The following KATNA1 variants were observed in gnomAD, a reference collection of about 807,000 sequenced individuals.
The protein encoded by KATNA1 is katanin p60 ATPase-containing subunit A1.
Under a neutral mutation model 62.6 loss-of-function variants are expected in KATNA1, and 42 were observed. The observed-to-expected ratio is 0.67, with a 90% confidence interval of 0.52 to 0.87. The LOEUF (loss-of-function observed/expected upper bound fraction) is 0.87, where lower values mean the gene tolerates loss of function less well. KATNA1 is among the 40% of genes least tolerant of loss of function. The pLI is 0.00. For synonymous variants in KATNA1, 186 were observed against 201.9 expected, an observed-to-expected ratio of 0.92 and a Z score of 0.67; for missense variants, 498 against 612.5, an observed-to-expected ratio of 0.81 and a Z score of 1.97.
intron 4 of KATNA1, among the ~76,000 whole-genome samples, chr6:149,608,723 T>C (rs1347554896): frequency 6.6e-6 from 1 of 152,120 alleles, no homozygotes; most frequent in Non-Finnish European, 1.5e-5. Context: ...CCACAGTCAC[T>C]GGACATCATA....
In KATNA1 at chr6:149,645,161, A is replaced by T. The variant is rs73779536; in HGVS notation, c.-14+3308T>A. 8.3e-3 allele frequency among the ~76,000 whole-genome samples: 1,260 copies of T among 152,294 alleles called. 19 individuals are homozygous for T. The highest frequency in any genetic ancestry group is 0.029 in the African/African-American group (1,212 of 41,564). On this transcript the variant is annotated intron_variant, in intron 1 of 10. Coordinates refer to ENST00000367411, the MANE Select transcript of KATNA1 (RefSeq NM_007044.4). ...AGAATTGAATCCATTTGAAATAAAA[A>T]GCTGGCCGCGCGCAGTGGCTCACGC...
intron 8 of KATNA1, chr6:149,597,911 G>A (rs760608158): frequency 2.6e-5 from 12 of 469,218 alleles, no homozygotes; most frequent in East Asian, 1.4e-4. Context: ...TTTTCAAAGC[G>A]TACATAAACT....
intron 4 of KATNA1, among the ~76,000 whole-genome samples, chr6:149,617,070 G>C (rs559634153): frequency 1.5e-3 from 230 of 152,318 alleles, no homozygotes; most frequent in African/African-American, 5.3e-3. Context: ...GGAAAATACT[G>C]TATGATTCCA....
intron 7 of KATNA1, among the ~76,000 whole-genome samples, chr6:149,598,753 C>G (rs150720681): frequency 7.1e-6 from 1 of 141,080 alleles, no homozygotes; most frequent in Non-Finnish European, 1.5e-5. Context: ...AAGAAAACAA[C>G]AAAACAGCTA....
intron 4 of KATNA1, among the ~76,000 whole-genome samples, chr6:149,622,012 G>C (rs966138784): frequency 1.3e-5 from 2 of 152,138 alleles, no homozygotes; most frequent in Non-Finnish European, 2.9e-5. Context: ...GGACAGAAGG[G>C]GGGAAATCTC....
Position 149,599,496 on chromosome 6 carries a change from C to G in KATNA1, c.889-1146G>C, listed in dbSNP as rs1778452022. 2.0e-5 allele frequency among the ~76,000 whole-genome samples: 3 copies of G among 152,090 alleles called. No individual in the cohort carries two copies. The South Asian group carries it at 6.2e-4, about 32-fold the overall frequency. On this transcript the variant is annotated intron_variant, in intron 7 of 10. Transcript: ENST00000367411. ...GGTAGAGGACACCAATTGGTTCTCC[C>G]TGCACAGCACACTTCTGGTAAGAGA...
At chr6:149,614,666 C>A (rs527817257) in intron 4 of KATNA1, among the ~76,000 whole-genome samples, 46 of 152,210 alleles carry the variant, frequency 3.0e-4, no homozygotes, top group Admixed American at 2.5e-3. Context: ...CCCAGCTACT[C>A]AGGAAGCTAA....
chr6:149,618,643 C>A (rs1326579523), intron 4 of KATNA1, among the ~76,000 whole-genome samples: 1 of 152,020 alleles, frequency 6.6e-6, no homozygotes, highest in Non-Finnish European at 1.5e-5. Flanking sequence ...ACATACAGAC[C>A]AATGGAACAG....
chr6:149,602,751 C>T (rs1159966741), intron 6 of KATNA1, among the ~76,000 whole-genome samples: 2 of 143,646 alleles, frequency 1.4e-5, no homozygotes, highest in Admixed American at 7.1e-5. Context: ...GACAGAGTTT[C>T]GCTCTTGTTG....
At chr6:149,607,535 C>T (rs1778789737) in intron 4 of KATNA1, among the ~76,000 whole-genome samples, 1 of 152,064 alleles carries the variant, frequency 6.6e-6, no homozygotes, top group African/African-American at 2.4e-5. Flanking sequence ...TCGCTTGAAC[C>T]CAGGAGGCGG....
At chr6:149,624,682 A>G (rs1160233620) in intron 3 of KATNA1, among the ~76,000 whole-genome samples, 2 of 151,896 alleles carry the variant, frequency 1.3e-5, no homozygotes, top group Non-Finnish European at 2.9e-5. Context: ...GTTGGTCCTC[A>G]TTTCATCCTT....
intron 4 of KATNA1, among the ~76,000 whole-genome samples, chr6:149,614,091 T>C (rs1350690343): frequency 6.6e-6 from 1 of 152,210 alleles, no homozygotes; most frequent in Non-Finnish European, 1.5e-5. Flanking sequence ...CAGTCTGTGG[T>C]ATTCTGTGAT....
chr6:149,607,568 C>T (rs1009726791), intron 4 of KATNA1, among the ~76,000 whole-genome samples: 1 of 152,122 alleles, frequency 6.6e-6, no homozygotes, highest in African/African-American at 2.4e-5. Context: ...GCTGAGATTG[C>T]ACTACTGCAG....
intron 3 of KATNA1, among the ~76,000 whole-genome samples, chr6:149,630,120 C>T (rs986316761): frequency 1.3e-5 from 2 of 152,116 alleles, no homozygotes; most frequent in Non-Finnish European, 2.9e-5. Flanking sequence ...AGGAAACAAG[C>T]TAGGATGACT....
intron 4 of KATNA1, among the ~76,000 whole-genome samples, chr6:149,612,395 G>A (rs1778994594): frequency 6.6e-6 from 1 of 151,964 alleles, no homozygotes; most frequent in African/African-American, 2.4e-5. Context: ...TGTAACCCCA[G>A]CTACTCGTGA....
intron 3 of KATNA1, among the ~76,000 whole-genome samples, chr6:149,631,214 AT>A (rs1779820981): frequency 6.6e-6 from 1 of 152,146 alleles, no homozygotes; most frequent in African/African-American, 2.4e-5. Context: ...TCTGGCCAAC[AT>A]GTTGAAACCC....
chr6:149,639,970 T>C (rs1285060244), intron 1 of KATNA1, among the ~76,000 whole-genome samples: 2 of 152,192 alleles, frequency 1.3e-5, no homozygotes, highest in African/African-American at 2.4e-5. Context: ...TGAAGCAGTG[T>C]GGATTAGCAG....
At chr6:149,620,347 G>A (rs1351541633) in intron 4 of KATNA1, among the ~76,000 whole-genome samples, 1 of 152,078 alleles carries the variant, frequency 6.6e-6, no homozygotes, top group Non-Finnish European at 1.5e-5. Flanking sequence ...CTCCCAGGCT[G>A]GAGTGCAGTG....
rs184624488 is a variant in KATNA1, at chr6:149,617,811, C to T, written c.501+5292G>A. On this transcript the variant is annotated intron_variant, in intron 4 of 10. Transcript: ENST00000367411. ...ATTAGCTGGGCATGGTGGCCTGCGC[C>T]TGTAGTCTCAGCTACTTGGGAGTCT... Among the ~76,000 whole-genome samples, 886 of 152,124 alleles carry T rather than the reference C, an allele frequency of 5.8e-3. 9 individuals carry two copies. The highest frequency in any genetic ancestry group is 0.02 in the African/African-American group (848 of 41,510).
Sources: gnomAD v4.1 joint callset for allele counts (sites outside exome capture counted in the v4.1 genomes callset) on GRCh38, gnomAD v4.1.1 for gene constraint, MANE v1.5 for transcripts, NCBI Gene and HGNC (gene_info 2026-07-23, HGNC 2026-07-21) for gene names.